RAB28: variants seen among roughly 807,000 people sequenced by gnomAD.
RAB28 encodes RAB28, member RAS oncogene family.
RAB28 carries 24 observed loss-of-function variants against 31.7 expected under a neutral mutation model. That is an observed-to-expected ratio of 0.76 (90% CI 0.55 to 1.06). RAB28 has a LOEUF of 1.06. Ranked by LOEUF, RAB28 falls within the 50% of genes least tolerant of loss-of-function variation. The probability of loss-of-function intolerance (pLI) is 0.00; values close to 1 mark genes in which losing one functional copy is unlikely to be tolerated. For synonymous variants in RAB28, 100 were observed against 90.4 expected (o/e 1.11, Z -0.60); for missense variants, 254 against 258.5 (o/e 0.98, Z 0.12).
At chr4:13,471,671 A>G (rs1030318720) in intron 3 of RAB28, among the ~76,000 whole-genome samples, 10 of 151,928 alleles carry the variant, frequency 6.6e-5, no homozygotes, top group African/African-American at 1.4e-4. Flanking sequence ...CCTATCATCT[A>G]TTTTTGACAA....
chr4:13,446,930 A>T (rs1419592318), intron 4 of RAB28, among the ~76,000 whole-genome samples: 1 of 152,120 alleles, frequency 6.6e-6, no homozygotes, highest in Non-Finnish European at 1.5e-5. Context: ...CAAACTTTTA[A>T]TCCTTACCCA....
At chr4:13,374,651 C>G (rs184727387) in intron 6 of RAB28, among the ~76,000 whole-genome samples, 40 of 152,246 alleles carry the variant, frequency 2.6e-4, no homozygotes, top group African/African-American at 8.2e-4. Flanking sequence ...CCTCTCTTAT[C>G]CAATAATTCC....
chr4:13,481,413 T>C (rs1716599420), intron 1 of RAB28, among the ~76,000 whole-genome samples: 1 of 152,056 alleles, frequency 6.6e-6, no homozygotes, highest in Admixed American at 6.5e-5. Context: ...ATGCTATCTT[T>C]CACATTCAAT....
chr4:13,431,683 A>G (rs1713813394), intron 4 of RAB28, among the ~76,000 whole-genome samples: 1 of 152,120 alleles, frequency 6.6e-6, no homozygotes, highest in Non-Finnish European at 1.5e-5. Context: ...ACAACCAAGG[A>G]GCCCACACAG....
At chr4:13,372,457 A>T (rs1728753605) in intron 6 of RAB28, among the ~76,000 whole-genome samples, 1 of 152,140 alleles carries the variant, frequency 6.6e-6, no homozygotes, top group African/African-American at 2.4e-5. Context: ...CTATAAAAAC[A>T]AGGTCTACCT....
intron 6 of RAB28, among the ~76,000 whole-genome samples, chr4:13,375,686 T>C (rs961438240): frequency 6.6e-6 from 1 of 152,140 alleles, no homozygotes; most frequent in Non-Finnish European, 1.5e-5. Context: ...AGCAAACTTT[T>C]AGAGTTTCAA....
chr4:13,376,697 T>A, intron 5 of RAB28, 75 bp from the exon 6 acceptor site: 1 of 984,950 alleles, frequency 1.0e-6, no homozygotes, highest in Non-Finnish European at 1.5e-6. Flanking sequence ...AGAATTTTCT[T>A]AAAAATGATA....
chr4:13,437,227 A>C (rs1714170714), intron 4 of RAB28, among the ~76,000 whole-genome samples: 1 of 152,166 alleles, frequency 6.6e-6, no homozygotes, highest in African/African-American at 2.4e-5. Flanking sequence ...GATGGGTTAA[A>C]GACTTAAATG....
chr4:13,453,791 T>C (rs943018998), intron 4 of RAB28, among the ~76,000 whole-genome samples: 3 of 152,200 alleles, frequency 2.0e-5, no homozygotes, highest in Non-Finnish European at 4.4e-5. Flanking sequence ...TTGGCTATAA[T>C]GTGCCTTGAA....
At chr4:13,433,138 G>GAAAAAAAAAAAAAA (rs1159582203) in intron 4 of RAB28, among the ~76,000 whole-genome samples, 2 of 69,490 alleles carry the variant, frequency 2.9e-5, no homozygotes, top group Non-Finnish European at 3.3e-5. Flanking sequence ...GCAAATGAAA[G>GAAAAAAAAAAAAAA]AAAAAAAAAA....
intron 4 of RAB28, among the ~76,000 whole-genome samples, chr4:13,453,012 T>G (rs929308496): frequency 6.6e-6 from 1 of 152,148 alleles, no homozygotes; most frequent in Admixed American, 6.5e-5. Flanking sequence ...ATCCTTTTAT[T>G]ATTATATGAT....
At chr4:13,411,863 G>T (rs1712458370) in intron 4 of RAB28, among the ~76,000 whole-genome samples, 1 of 151,832 alleles carries the variant, frequency 6.6e-6, no homozygotes, top group South Asian at 2.1e-4. Flanking sequence ...AATATACCAT[G>T]ATCTAATTAA....
At chr4:13,386,422 C>A (rs1393479862) in intron 4 of RAB28, among the ~76,000 whole-genome samples, 1 of 150,060 alleles carries the variant, frequency 6.7e-6, no homozygotes, top group African/African-American at 2.5e-5. Context: ...GAAAAAAAAA[C>A]AGCTCAATTA....
At chr4:13,453,621 GT>G (rs559681223) in intron 4 of RAB28, among the ~76,000 whole-genome samples, 117 of 148,950 alleles carry the variant, frequency 7.9e-4, no homozygotes, top group African/African-American at 2.5e-3. Flanking sequence ...TGGCTGACGG[GT>G]TTTTTTTTTC....
intron 1 of RAB28, among the ~76,000 whole-genome samples, chr4:13,483,402 C>A (rs564915624): frequency 3.3e-4 from 51 of 152,270 alleles, no homozygotes; most frequent in African/African-American, 1.2e-3. Flanking sequence ...CTGCTTGTAT[C>A]GAGTGCTGAG....
chr4:13,373,851 T>C (rs942245454), intron 6 of RAB28, among the ~76,000 whole-genome samples: 3 of 152,090 alleles, frequency 2.0e-5, no homozygotes, highest in African/African-American at 7.2e-5. Flanking sequence ...TATAGAATAA[T>C]ACAAAGTACT....
chr4:13,400,711 A>T (rs1711698891), intron 4 of RAB28, among the ~76,000 whole-genome samples: 1 of 152,156 alleles, frequency 6.6e-6, no homozygotes, highest in Non-Finnish European at 1.5e-5. Flanking sequence ...CACAGATGCC[A>T]TTTATGAAGT....
intron 2 of RAB28, among the ~76,000 whole-genome samples, chr4:13,475,412 A>T (rs187099396): frequency 6.6e-6 from 1 of 151,648 alleles, no homozygotes; most frequent in African/African-American, 2.4e-5. Flanking sequence ...AAAAGATTAG[A>T]AACTGAAAAA....
At chr4:13,429,162 G>T (rs1054471757) in intron 4 of RAB28, among the ~76,000 whole-genome samples, 1 of 151,888 alleles carries the variant, frequency 6.6e-6, no homozygotes, top group Non-Finnish European at 1.5e-5. Flanking sequence ...GGCCAGGCTG[G>T]TCTTGAACTC....
Sources: gnomAD v4.1 joint callset for allele counts (sites outside exome capture counted in the v4.1 genomes callset) on GRCh38, gnomAD v4.1.1 for gene constraint, MANE v1.5 for transcripts, NCBI Gene and HGNC (gene_info 2026-07-23, HGNC 2026-07-21) for gene names.